GNA15: variants seen among roughly 807,000 people sequenced by gnomAD.
GNA15 encodes the protein G protein subunit alpha 15.
In GNA15, 23 loss-of-function variants were observed where a neutral mutation model predicts 40.1. The ratio of observed to expected loss-of-function variants is 0.57; its 90% CI spans 0.41 to 0.81. GNA15 has a LOEUF of 0.81. Ranked by LOEUF, GNA15 falls within the 40% of genes least tolerant of loss-of-function variation. The pLI is 0.00. For missense variants in GNA15, 522 were observed against 515.8 expected (o/e 1.01, Z -0.12); for synonymous variants, 226 against 210.4 (o/e 1.07, Z -0.64).
At chr19:3,149,012 C>T (rs952797999) in intron 2 of GNA15, 6 of 528,762 alleles carry the variant, frequency 1.1e-5, no homozygotes, top group East Asian at 3.1e-5. Context: ...TGTATGCACA[C>T]GCACAGACAT....
At position 3,136,459 on chromosome 19, in the gene GNA15, C is replaced by T. The variant is rs1292963881; in HGVS notation, c.9C>T (p.Arg3=). The part of the protein sequence containing the change: MA[R]SLTWRCCPWC... ...ACTGAGGCCACCGCACCATGGCCCG[C>T]TCGCTGACCTGGCGCTGCTGCCCCT... The change falls in exon 1 of 7, where the codon CGC becomes CGT. Residue 3 remains arginine, a synonymous_variant. Transcript: ENST00000262958. The surrounding 1 kb of genome is among the most constrained non-coding windows in gnomAD (Gnocchi z 4.9). 3 of 1,549,684 alleles carry T rather than the reference C, an allele frequency of 1.9e-6. No individual in the cohort carries two copies. In the East Asian group the frequency reaches 7.3e-5, roughly 38 times the overall value.
In GNA15 at chr19:3,150,050, C is replaced by T. The variant is rs1400828706; in HGVS notation, c.331-81C>T. The T allele has an allele frequency of 9.8e-6, 12 of 1,222,962 alleles. No homozygotes were observed. The East Asian group carries it at 1.7e-4, about 17-fold the overall frequency. 75.8% of individuals were successfully genotyped at this position (1,222,962 alleles called of 1,614,324 possible). ...GAAGAGAGCGTGTTTCAGGGAGGGA[C>T]GTGGGGGCTTGCAGAGATGCCTGCG... On this transcript the variant is annotated intron_variant, in intron 2 of 6. Transcript: ENST00000262958.
chr19:3,148,753 C>T lies in GNA15; in HGVS notation c.308C>T (p.Pro103Leu). The stretch of plus-strand genomic sequence containing the variant: ...GAGGCCATGGAGCGGCTGCAGATTC[C>T]ATTCAGCAGGCCCGAGAGCAAGGTG... The part of the protein sequence containing the change: ...MIEAMERLQI[P>L]FSRPESKHHA... The change falls in exon 2 of 7, where the codon CCA becomes CTA. Residue 103 changes from proline to leucine, a missense_variant. Physicochemically the swap from Pro to Leu is moderately conservative, Grantham distance 98. Transcript: ENST00000262958. 6.2e-7 allele frequency: 1 copy of T among 1,601,732 alleles called. No homozygotes were observed.
rs1914793059 is a variant in GNA15, at chr19:3,148,657, C to T, written c.212C>T (p.Ser71Leu). The change falls in exon 2 of 7, where the codon TCG (serine) becomes TTG (leucine). Residue 71 changes from serine to leucine, a missense_variant. Coordinates refer to ENST00000262958, the MANE Select transcript of GNA15 (RefSeq NM_002068.4). ...QMRIIHGAGY[S>L]EEERKGFRPL... ...CGGATCATCCACGGCGCCGGCTACT[C>T]GGAGGAGGAGCGCAAGGGCTTCCGG... 2.5e-6 allele frequency: 4 copies of T among 1,591,038 alleles called. No individual in the cohort carries two copies. The highest frequency in any genetic ancestry group is 3.5e-5 in the Admixed American group (2 of 56,568).
At chr19:3,149,098 C>G in intron 2 of GNA15, 1 of 328,714 alleles carries the variant, frequency 3.0e-6, no homozygotes, top group East Asian at 6.2e-5. Context: ...CACACATACA[C>G]AAATGAATGC....
chr19:3,163,088 T>G lies in GNA15; in HGVS notation c.*69T>G. 2 of 965,832 alleles carry G rather than the reference T, an allele frequency of 2.1e-6. No homozygotes were observed. The highest frequency in any genetic ancestry group is 3.3e-6 in the Non-Finnish European group (2 of 603,570). 59.8% of individuals were successfully genotyped at this position (965,832 alleles called of 1,614,324 possible). On this transcript the variant is annotated 3_prime_UTR_variant, in exon 7 of 7. Transcript: ENST00000262958. The stretch of plus-strand genomic sequence containing the variant: ...AGGTGGGAGTGGCTGCAGGGACCCC[T>G]AGTGTCCCTGGTCTATCTCTCCAGC...
Position 3,136,881 on chromosome 19 carries a change from C to G in GNA15, c.145+286C>G, listed in dbSNP as rs890628531. ...AGACGTGGCTCTACCGGGCCCCTGC[C>G]GGGCAGGCCCAGCACGCCCTACCTG... On this transcript the variant is annotated intron_variant, in intron 1 of 6. Transcript: ENST00000262958. The surrounding 1 kb of genome is among the most constrained non-coding windows in gnomAD (Gnocchi z 4.9). 6.6e-6 allele frequency among the ~76,000 whole-genome samples: 1 copy of G among 152,218 alleles called. No homozygotes were observed. Among genetic ancestry groups the G allele is most frequent in the Admixed American group, 6.5e-5 (1 of 15,280 alleles).
At chr19:3,162,753 G>C (rs1450331497) in intron 6 of GNA15, 40 bp from the exon 7 acceptor site, 3 of 1,438,768 alleles carry the variant, frequency 2.1e-6, no homozygotes, top group Non-Finnish European at 2.9e-6. Context: ...TGGGTCCAAA[G>C]AGGGAGGGTC....
rs1039981679 is a variant in GNA15, at chr19:3,151,553, G to A, written c.486-154G>A. Among the ~76,000 whole-genome samples the A allele has an allele frequency of 1.3e-5, 2 of 152,086 alleles. No individual in the cohort carries two copies. The highest frequency in any genetic ancestry group is 2.4e-5 in the African/African-American group (1 of 41,402). On this transcript the variant is annotated intron_variant, in intron 3 of 6. Transcript: ENST00000262958. The surrounding 1 kb of genome is among the most constrained non-coding windows in gnomAD (Gnocchi z 5.0). ...TTGGGGCTCCATTGCCTCAGGTGGG[G>A]GACGCTCCTGGGCCATCTGCCAACT...
intron 6 of GNA15, among the ~76,000 whole-genome samples, chr19:3,161,209 C>G (rs537764731): frequency 7.2e-5 from 11 of 152,174 alleles, no homozygotes; most frequent in Non-Finnish European, 1.2e-4. Context: ...CTGCCTTGGC[C>G]TTCCAAAGTG....
chr19:3,162,773 T>A lies in GNA15; in HGVS notation c.899-20T>A. On this transcript the variant is annotated intron_variant, in intron 6 of 6. Transcript: ENST00000262958. The stretch of plus-strand genomic sequence containing the variant: ...CCAAAGAGGGAGGGTCCTCACCCCC[T>A]TCCCACACTGTTTCCCCAGGCCCTA... The A allele has an allele frequency of 6.3e-7, 1 of 1,575,350 alleles. No individual in the cohort carries two copies. Among genetic ancestry groups the A allele is most frequent in the Non-Finnish European group, 8.7e-7 (1 of 1,145,204 alleles).
chr19:3,156,414 C>T (rs955153624), intron 5 of GNA15, among the ~76,000 whole-genome samples: 1 of 122,666 alleles, frequency 8.2e-6, no homozygotes, highest in African/African-American at 3.5e-5. Flanking sequence ...CATGCGCACA[C>T]ACATGAACAC....
Position 3,163,305 on chromosome 19 carries a change from G to A in GNA15, c.*286G>A. 1 of 468,044 alleles carries A rather than the reference G, an allele frequency of 2.1e-6. No individual in the cohort carries two copies. The highest frequency in any genetic ancestry group is 3.9e-6 in the Non-Finnish European group (1 of 255,116). The allele number at this position is 468,044 out of a possible 1,614,324, so 29.0% of individuals were successfully genotyped here. ...TGGATGAAAAGGTGAAGAAATCAGG[G>A]GATTGAGGACTTGGGTGGGTGGGCA... On this transcript the variant is annotated 3_prime_UTR_variant, in exon 7 of 7. Coordinates refer to ENST00000262958, the MANE Select transcript of GNA15 (RefSeq NM_002068.4).
intron 1 of GNA15, among the ~76,000 whole-genome samples, chr19:3,144,423 A>T (rs1599320921): frequency 6.6e-6 from 1 of 152,212 alleles, no homozygotes; most frequent in East Asian, 1.9e-4. Flanking sequence ...CATGCAATAA[A>T]TTCTGGAATC....
chr19:3,156,163 G>GAC (rs141415003), intron 5 of GNA15, among the ~76,000 whole-genome samples: 27,223 of 135,818 alleles, frequency 0.2, 2,869 homozygotes, highest in East Asian at 0.37. Context: ...CAGGACCCCA[G>GAC]ACACACACAC....
intron 6 of GNA15, among the ~76,000 whole-genome samples, chr19:3,161,546 G>T (rs547744474): frequency 1.4e-4 from 22 of 152,162 alleles, no homozygotes; most frequent in Non-Finnish European, 2.6e-4. Context: ...TAGACGTCAA[G>T]TTGTTCCAGG....
At chr19:3,138,396 T>A (rs1313001023) in intron 1 of GNA15, among the ~76,000 whole-genome samples, 3 of 152,192 alleles carry the variant, frequency 2.0e-5, no homozygotes, top group Non-Finnish European at 4.4e-5. Flanking sequence ...GAGGGTCTTC[T>A]GGGATCCCCG....
intron 1 of GNA15, among the ~76,000 whole-genome samples, chr19:3,148,017 C>A (rs949535259): frequency 1.3e-5 from 2 of 152,124 alleles, no homozygotes; most frequent in East Asian, 3.9e-4. Flanking sequence ...ATTTTATAAT[C>A]AATTCATTTG....
chr19:3,144,026 A>C (rs1395637105), intron 1 of GNA15, among the ~76,000 whole-genome samples: 1 of 151,388 alleles, frequency 6.6e-6, no homozygotes. Context: ...TGGGAGGCTG[A>C]GGCAGGAGAA....
Sources: gnomAD v4.1 joint callset for allele counts (sites outside exome capture counted in the v4.1 genomes callset) on GRCh38, gnomAD v4.1.1 for gene constraint, Gnocchi (gnomAD v3.1) non-coding constraint, MANE v1.5 for transcripts, NCBI Gene and HGNC (gene_info 2026-07-23, HGNC 2026-07-21) for gene names.